UBR3: variants seen among roughly 807,000 people sequenced by gnomAD.
UBR3 encodes ubiquitin protein ligase E3 component n-recognin 3.
UBR3 carries 85 observed loss-of-function variants against 243.2 expected under a neutral mutation model. The ratio of observed to expected loss-of-function variants is 0.35; its 90% CI spans 0.29 to 0.42. The LOEUF (loss-of-function observed/expected upper bound fraction) is 0.42. Ranked by LOEUF, UBR3 falls within the 10% of genes least tolerant of loss-of-function variation. The pLI is 1.00. For synonymous variants in UBR3, 748 were observed against 799.8 expected, an observed-to-expected ratio of 0.94 and a Z score of 1.09; for missense variants, 1,686 against 2,300.8, an observed-to-expected ratio of 0.73 and a Z score of 5.47.
intron 2 of UBR3, among the ~76,000 whole-genome samples, chr2:169,873,041 G>A (rs1187496664): frequency 6.6e-6 from 1 of 151,936 alleles, no homozygotes; most frequent in Non-Finnish European, 1.5e-5. Flanking sequence ...TTAGTAGTAT[G>A]AATCAAATTT....
intron 24 of UBR3, among the ~76,000 whole-genome samples, chr2:169,971,686 T>C (rs2088155192): frequency 1.3e-5 from 2 of 152,274 alleles, no homozygotes; most frequent in African/African-American, 2.4e-5. Context: ...TTGATCTATA[T>C]CTCTGTTTTG....
intron 1 of UBR3, among the ~76,000 whole-genome samples, chr2:169,854,955 C>T (rs1199773925): frequency 6.6e-6 from 1 of 152,124 alleles, no homozygotes; most frequent in Non-Finnish European, 1.5e-5. Context: ...AAAACATTGT[C>T]ATTTAATGTT....
At chr2:169,980,572 G>A (rs1294575528) in intron 24 of UBR3, among the ~76,000 whole-genome samples, 1 of 151,304 alleles carries the variant, frequency 6.6e-6, no homozygotes, top group Non-Finnish European at 1.5e-5. Flanking sequence ...TGTACTCATG[G>A]ATATTTCCCA....
At chr2:169,995,545 TCA>T (rs2089447136) in intron 26 of UBR3, among the ~76,000 whole-genome samples, 1 of 152,234 alleles carries the variant, frequency 6.6e-6, no homozygotes, top group Admixed American at 6.5e-5. Context: ...CTGCTTAAAG[TCA>T]CAGTTTCCAA....
chr2:170,054,055 C>G (rs914870166), intron 32 of UBR3, among the ~76,000 whole-genome samples: 25 of 152,136 alleles, frequency 1.6e-4, no homozygotes, highest in African/African-American at 6.0e-4. Flanking sequence ...TATTAAGTAC[C>G]TAATATGTGC....
At chr2:169,987,339 G>A in intron 25 of UBR3, among the ~76,000 whole-genome samples, 1 of 147,440 alleles carries the variant, frequency 6.8e-6, no homozygotes, top group Admixed American at 6.9e-5. Flanking sequence ...GTTGCAGTGA[G>A]CTGAGATTGT....
chr2:169,851,419 G>A (rs1212914271), intron 1 of UBR3, among the ~76,000 whole-genome samples: 2 of 152,164 alleles, frequency 1.3e-5, no homozygotes, highest in East Asian at 1.9e-4. Context: ...GTGAGCCATC[G>A]CAGATTATAG....
At chr2:169,998,215 A>G (rs1042277517) in intron 26 of UBR3, among the ~76,000 whole-genome samples, 12 of 152,362 alleles carry the variant, frequency 7.9e-5, no homozygotes, top group African/African-American at 2.9e-4. Context: ...TAAAAATTCA[A>G]TCAAAATAAA....
At chr2:169,947,162 A>G (rs2086817796) in intron 21 of UBR3, among the ~76,000 whole-genome samples, 1 of 152,124 alleles carries the variant, frequency 6.6e-6, no homozygotes, top group Non-Finnish European at 1.5e-5. Flanking sequence ...TTCCTCTATG[A>G]TTAGTGATAC....
chr2:169,852,833 A>G (rs1214906017), intron 1 of UBR3, among the ~76,000 whole-genome samples: 1 of 127,180 alleles, frequency 7.9e-6, no homozygotes, highest in Non-Finnish European at 1.6e-5. Context: ...CCTGGGTGAA[A>G]GAGTGAGACT....
chr2:170,013,878 G>C (rs1384148339), intron 29 of UBR3: 2 of 468,774 alleles, frequency 4.3e-6, no homozygotes, highest in Non-Finnish European at 8.9e-6. Context: ...AAAATGTATT[G>C]ATCTCATTTA....
Position 169,994,347 on chromosome 2 carries a change from T to G in UBR3, c.3809T>G (p.Val1270Gly). ...SSVLGQCRDN[V>G]EPKKLPISEE... ...GTTTTGGGGCAGTGCCGTGACAATGTTGAGCCAAAAAAGTTGCCGATCAGT... is the reference window on the plus strand; with the variant it reads ...GTTTTGGGGCAGTGCCGTGACAATGGTGAGCCAAAAAAGTTGCCGATCAGT... The change falls in exon 26 of 39, where the codon GTT becomes GGT. Residue 1270 changes from valine (V) to glycine (G), a missense_variant. Physicochemically the swap from Val to Gly is moderately radical, Grantham distance 109. Around this residue, in one of 8 missense-constraint regions of UBR3, gnomAD observed 156 missense variants for 246.3 expected, o/e 0.63. Coordinates refer to ENST00000272793, the MANE Select transcript of UBR3 (RefSeq NM_172070.4). 4 of 1,614,148 alleles carry G rather than the reference T, an allele frequency of 2.5e-6. No individual in the cohort carries two copies. The highest frequency in any genetic ancestry group is 2.5e-6 in the Non-Finnish European group (3 of 1,180,012).
chr2:169,848,051 T>A (rs970464758), intron 1 of UBR3, among the ~76,000 whole-genome samples: 12 of 152,208 alleles, frequency 7.9e-5, no homozygotes, highest in Admixed American at 7.9e-4. Flanking sequence ...TGGCCCCATT[T>A]TGATTCTCCT....
In UBR3 at chr2:169,933,054, A is replaced by T. The variant is rs553381958; in HGVS notation, c.2663+46A>T. Reference sequence around the variant, plus strand: ...AGCATCATAACAGTATTTTATATTTATATGGAAAAATTTCAGTGATAACAC... The same window carrying T: ...AGCATCATAACAGTATTTTATATTTTTATGGAAAAATTTCAGTGATAACAC... On this transcript the variant is annotated intron_variant, in intron 19 of 38. Coordinates refer to ENST00000272793, the MANE Select transcript of UBR3 (RefSeq NM_172070.4). 7 of 1,377,906 alleles carry T rather than the reference A, an allele frequency of 5.1e-6. No individual in the cohort carries two copies. In the African/African-American group the frequency reaches 9.1e-5, roughly 18 times the overall value. 85.4% of individuals were successfully genotyped at this position (1,377,906 alleles called of 1,614,324 possible). A position where few individuals can be genotyped will look rare whatever the true frequency, so the allele number is the denominator to read the frequency against.
intron 36 of UBR3, 51 bp from the exon 37 acceptor site, chr2:170,079,763 T>C (rs1268667919): frequency 5.4e-6 from 8 of 1,468,682 alleles, no homozygotes; most frequent in Non-Finnish European, 6.5e-6. Flanking sequence ...ATATATTGTG[T>C]TAGTGACTTA....
At position 170,001,717 on chromosome 2, in the gene UBR3, C is replaced by T. The variant is rs1574373341; in HGVS notation, c.4029+303C>T. The stretch of plus-strand genomic sequence containing the variant: ...TCGAGACCAGCCTGGCCAACGTGGC[C>T]ACCTGGCCAACCTGGCAAAACCCTG... On this transcript the variant is annotated intron_variant, in intron 27 of 38. Transcript: ENST00000272793. 2.6e-5 allele frequency among the ~76,000 whole-genome samples: 4 copies of T among 151,480 alleles called. No homozygotes were observed. In the South Asian group the frequency reaches 6.2e-4, roughly 24 times the overall value.
chr2:169,969,548 CT>C (rs199918460), intron 24 of UBR3, among the ~76,000 whole-genome samples: 206 of 134,132 alleles, frequency 1.5e-3, no homozygotes, highest in Admixed American at 1.7e-3. Context: ...CCATTTGTGT[CT>C]TTTTTTTTTT....
At chr2:169,999,171 G>C (rs2089603157) in intron 26 of UBR3, among the ~76,000 whole-genome samples, 1 of 152,160 alleles carries the variant, frequency 6.6e-6, no homozygotes, top group African/African-American at 2.4e-5. Context: ...GTAGTATAGT[G>C]CCAAAGAGAG....
At chr2:169,845,567 CTT>C (rs2082450898) in intron 1 of UBR3, among the ~76,000 whole-genome samples, 1 of 139,456 alleles carries the variant, frequency 7.2e-6, no homozygotes, top group South Asian at 2.4e-4. Context: ...TCTTCTTCTT[CTT>C]CTTTCTTCTT....
Sources: gnomAD v4.1 joint callset for allele counts (sites outside exome capture counted in the v4.1 genomes callset) on GRCh38, gnomAD v4.1.1 for gene constraint, gnomAD v4.1.1 regional missense constraint, MANE v1.5 for transcripts, NCBI Gene and HGNC (gene_info 2026-07-23, HGNC 2026-07-21) for gene names.